Variants in PPEF2 observed in about 807,000 individuals in gnomAD.
PPEF2 encodes protein phosphatase with EF-hand domain 2, also known as serine/threonine-protein phosphatase with EF-hands 2.
PPEF2 carries 84 observed loss-of-function variants against 84.7 expected under a neutral mutation model. The observed-to-expected ratio is 0.99, with a 90% confidence interval of 0.83 to 1.19. The LOEUF (loss-of-function observed/expected upper bound fraction) is 1.19, where lower values mean the gene tolerates loss of function less well. PPEF2 is among the 50% of genes most tolerant of loss of function. The probability of loss-of-function intolerance (pLI) is 0.00; values close to 1 mark genes in which losing one functional copy is unlikely to be tolerated. For missense variants in PPEF2, 924 were observed against 937.5 expected, an observed-to-expected ratio of 0.99 and a Z score of 0.19; for synonymous variants, 346 against 345.2, an observed-to-expected ratio of 1.00 and a Z score of -0.03.
rs916118834 is a variant in PPEF2, at chr4:75,881,829, A to G, written c.933+1097T>C. On this transcript the variant is annotated intron_variant, in intron 10 of 16. Coordinates refer to ENST00000286719, the MANE Select transcript of PPEF2 (RefSeq NM_006239.3). ...CAGGGTTCAAACCCAGGTCTGTCTC[A>G]CTCTAAAGCCGTATTCTTTCATTTC... The G allele has an allele frequency of 3.3e-5, 5 of 151,980 alleles. No individual in the cohort carries two copies. The East Asian group carries it at 7.7e-4, about 23-fold the overall frequency. The allele number at this position is 151,980 out of a possible 1,614,324, so 9.4% of individuals were successfully genotyped here.
At chr4:75,869,854 GAA>G (rs11325121) in intron 13 of PPEF2, among the ~76,000 whole-genome samples, 159 of 149,986 alleles carry the variant, frequency 1.1e-3, no homozygotes, top group African/African-American at 2.6e-3. Context: ...CTCACAAAAA[GAA>G]AAAAAAAAAG....
At chr4:75,883,258 C>T in intron 8 of PPEF2, 56 bp from the exon 9 acceptor site, 2 of 1,496,328 alleles carry the variant, frequency 1.3e-6, no homozygotes, top group South Asian at 2.3e-5. Context: ...ATAATCAGGG[C>T]ATAATCACAT....
chr4:75,883,158 C>T lies in PPEF2; in HGVS notation c.783+8G>A. 1.2e-6 allele frequency: 2 copies of T among 1,613,834 alleles called. No homozygotes were observed. Among genetic ancestry groups the T allele is most frequent in the Non-Finnish European group, 1.7e-6 (2 of 1,179,840 alleles). On this transcript the variant is annotated splice_region_variant and intron_variant, in intron 9 of 16. Coordinates refer to ENST00000286719, the MANE Select transcript of PPEF2 (RefSeq NM_006239.3). ...TGAGAGAAACTTTTGTCTTTAAAGG[C>T]AGCGCACCTTGTATTTATTCATCAC...
chr4:75,860,735 C>T lies in PPEF2; in HGVS notation c.2194G>A (p.Asp732Asn), dbSNP rs760711815. ...RLVEKSCPEGDASECPQATNA... is the reference protein window; with the variant it reads ...RLVEKSCPEGNASECPQATNA... Reference sequence around the variant, plus strand: ...GTAGCTTGTGGGCATTCTGAGGCATCGCCCTCTGGGCAGGATTTCTCCACA... The same window carrying T: ...GTAGCTTGTGGGCATTCTGAGGCATTGCCCTCTGGGCAGGATTTCTCCACA... Residue 732 changes from aspartate (D) to asparagine (N), a missense_variant, in exon 17 of 17, where the codon GAT becomes AAT. By Grantham distance (23) the Asp-to-Asn change is conservative. Coordinates refer to ENST00000286719, the MANE Select transcript of PPEF2 (RefSeq NM_006239.3). The T allele has an allele frequency of 6.8e-6, 11 of 1,614,140 alleles. No individual in the cohort carries two copies. In the Admixed American group the frequency reaches 1.2e-4, roughly 17 times the overall value.
intron 16 of PPEF2, among the ~76,000 whole-genome samples, chr4:75,861,675 T>A (rs1724004949): frequency 7.6e-6 from 1 of 132,204 alleles, no homozygotes; most frequent in African/African-American, 2.6e-5. Flanking sequence ...AGTGGCACAA[T>A]CTCAGCTCAC....
chr4:75,888,440 C>A (rs377579799), intron 5 of PPEF2, 112 bp from the exon 6 acceptor site: 7 of 693,304 alleles, frequency 1.0e-5, no homozygotes, highest in South Asian at 6.7e-5. Context: ...CCAAAAGTAA[C>A]CCCAGTAAAC....
intron 15 of PPEF2, among the ~76,000 whole-genome samples, chr4:75,865,363 C>T (rs956251523): frequency 6.6e-6 from 1 of 152,086 alleles, no homozygotes; most frequent in Admixed American, 6.5e-5. Context: ...CGTGTTGGCA[C>T]TCAAAAAGTT....
intron 2 of PPEF2, 86 bp downstream of exon 2, chr4:75,896,185 C>T: frequency 2.0e-6 from 3 of 1,464,022 alleles, no homozygotes; most frequent in Non-Finnish European, 2.9e-6. Context: ...GGTTTTTCTG[C>T]TTCTACCCTC....
chr4:75,893,462 C>A (rs988583123), intron 2 of PPEF2, among the ~76,000 whole-genome samples: 5 of 150,340 alleles, frequency 3.3e-5, no homozygotes, highest in African/African-American at 1.2e-4. Flanking sequence ...CGTACCACTG[C>A]ACTTTAGCCT....
At chr4:75,888,533 C>T (rs1234761335) in intron 5 of PPEF2, among the ~76,000 whole-genome samples, 1 of 152,162 alleles carries the variant, frequency 6.6e-6, no homozygotes, top group Non-Finnish European at 1.5e-5. Flanking sequence ...CCACTTGCCC[C>T]CCCTGCAAAT....
intron 11 of PPEF2, among the ~76,000 whole-genome samples, chr4:75,874,074 C>G (rs909524850): frequency 1.3e-5 from 2 of 151,480 alleles, no homozygotes; most frequent in African/African-American, 4.8e-5. Context: ...TGCCACTGCA[C>G]TCCAGCCTGG....
chr4:75,884,564 T>C, intron 8 of PPEF2, 30 bp downstream of exon 8: 1 of 1,532,748 alleles, frequency 6.5e-7, no homozygotes, highest in Non-Finnish European at 8.8e-7. Context: ...CAAACAAACA[T>C]CAAATACTCA....
chr4:75,881,117 T>TTG (rs71210222), intron 10 of PPEF2, among the ~76,000 whole-genome samples: 1 of 150,118 alleles, frequency 6.7e-6, no homozygotes, highest in Non-Finnish European at 1.5e-5. Flanking sequence ...TTTTTTTTTT[T>TTG]GACATGGAGT....
chr4:75,885,022 A>C (rs568483986), intron 7 of PPEF2, among the ~76,000 whole-genome samples: 2 of 152,326 alleles, frequency 1.3e-5, no homozygotes, highest in East Asian at 3.9e-4. Flanking sequence ...AAAGGGCACC[A>C]AACTTGTGAT....
intron 1 of PPEF2, among the ~76,000 whole-genome samples, chr4:75,897,974 T>C (rs1725045375): frequency 6.6e-6 from 1 of 152,230 alleles, no homozygotes. Context: ...ACGTATTTAT[T>C]ACCAGCAAGC....
At chr4:75,890,249 GC>G in intron 4 of PPEF2, 117 bp from the exon 5 acceptor site, 1 of 1,113,026 alleles carries the variant, frequency 9.0e-7, no homozygotes, top group South Asian at 1.5e-5. Flanking sequence ...AATTTGCGGG[GC>G]CAAGGAGGGA....
At chr4:75,879,588 G>A (rs1163411592) in intron 10 of PPEF2, among the ~76,000 whole-genome samples, 10 of 152,048 alleles carry the variant, frequency 6.6e-5, no homozygotes, top group Admixed American at 5.2e-4. Context: ...ATTCTTCTGG[G>A]TATTTTCTTT....
In PPEF2 at chr4:75,873,242, C is replaced by T; in HGVS notation, c.1391G>A (p.Gly464Asp). The T allele has an allele frequency of 6.2e-7, 1 of 1,614,146 alleles. No homozygotes were observed. Among genetic ancestry groups the T allele is most frequent in the Non-Finnish European group, 8.5e-7 (1 of 1,180,012 alleles). ...TGTCACATCAGGCCCAAAATAACAGCCTCCTCCTCGAATAGTGTTGGCCTT... is the reference window on the plus strand; with the variant it reads ...TGTCACATCAGGCCCAAAATAACAGTCTCCTCCTCGAATAGTGTTGGCCTT... ...GCKANTIRGG[G>D]CYFGPDVTQQ... Residue 464 changes from glycine to aspartate, a missense_variant, in exon 12 of 17, where the codon GGC becomes GAC. Transcript: ENST00000286719.
chr4:75,870,669 G>C (rs367942210), intron 13 of PPEF2, among the ~76,000 whole-genome samples: 3 of 152,042 alleles, frequency 2.0e-5, no homozygotes, highest in Non-Finnish European at 4.4e-5. Context: ...GAATTGCCTC[G>C]GTCAAGGACT....
Sources: gnomAD v4.1 joint callset for allele counts (sites outside exome capture counted in the v4.1 genomes callset) on GRCh38, gnomAD v4.1.1 for gene constraint, MANE v1.5 for transcripts, NCBI Gene and HGNC (gene_info 2026-07-23, HGNC 2026-07-21) for gene names.